MLIP: variants seen among roughly 807,000 people sequenced by gnomAD.
MLIP encodes the protein muscular LMNA interacting protein, also known as muscular LMNA-interacting protein.
Under a neutral mutation model 84.8 loss-of-function variants are expected in MLIP, and 79 were observed. That is an observed-to-expected ratio of 0.93 (90% CI 0.78 to 1.12). The LOEUF (loss-of-function observed/expected upper bound fraction) is 1.12. Among genes scored for constraint, MLIP ranks in the 50% most tolerant of loss-of-function variants. The pLI is 0.00. For synonymous variants in MLIP, 504 were observed against 463.0 expected (o/e 1.09, Z -1.14); for missense variants, 1,257 against 1,160.6 (o/e 1.08, Z -1.21).
intron 11 of MLIP, among the ~76,000 whole-genome samples, chr6:54,205,898 C>T (rs938925648): frequency 6.6e-6 from 1 of 152,064 alleles, no homozygotes; most frequent in Non-Finnish European, 1.5e-5. Flanking sequence ...ATTTGTGGTG[C>T]TTTTCAGTTA....
At chr6:54,235,206 A>G (rs1781283827) in intron 12 of MLIP, among the ~76,000 whole-genome samples, 1 of 152,078 alleles carries the variant, frequency 6.6e-6, no homozygotes, top group African/African-American at 2.4e-5. Context: ...ATTTTCTCAC[A>G]CTAGTCTTTA....
At chr6:54,257,049 T>A (rs1479956033) in intron 12 of MLIP, among the ~76,000 whole-genome samples, 1 of 152,116 alleles carries the variant, frequency 6.6e-6, no homozygotes, top group Non-Finnish European at 1.5e-5. Context: ...CTATGCTATA[T>A]GCTAAGCACT....
intron 12 of MLIP, among the ~76,000 whole-genome samples, chr6:54,250,056 C>T (rs970922248): frequency 6.6e-6 from 1 of 151,958 alleles, no homozygotes; most frequent in African/African-American, 2.4e-5. Flanking sequence ...ATTTGGTTGT[C>T]TGTTCCTGTG....
intron 8 of MLIP, among the ~76,000 whole-genome samples, chr6:54,165,253 C>G (rs768616718): frequency 7.9e-5 from 12 of 151,900 alleles, no homozygotes; most frequent in South Asian, 2.1e-4. Flanking sequence ...GCCACTTCCT[C>G]TCCACCCTGG....
chr6:54,036,414 T>A (rs1764445699), intron 1 of MLIP, among the ~76,000 whole-genome samples: 1 of 151,968 alleles, frequency 6.6e-6, no homozygotes, highest in Admixed American at 6.6e-5. Context: ...GGAAAAATAT[T>A]GGGCTAATTG....
chr6:54,221,139 T>A (rs1263105158), intron 11 of MLIP, among the ~76,000 whole-genome samples: 3 of 152,144 alleles, frequency 2.0e-5, no homozygotes, highest in Non-Finnish European at 4.4e-5. Context: ...TGTGGCAGCC[T>A]GGGCACAGAC....
At chr6:54,233,806 C>G (rs945846949) in intron 12 of MLIP, among the ~76,000 whole-genome samples, 1 of 152,172 alleles carries the variant, frequency 6.6e-6, no homozygotes, top group African/African-American at 2.4e-5. Flanking sequence ...AATTTACACT[C>G]CCACCAACAG....
intron 1 of MLIP, among the ~76,000 whole-genome samples, chr6:54,115,159 T>C (rs1769802062): frequency 6.6e-6 from 1 of 152,122 alleles, no homozygotes; most frequent in South Asian, 2.1e-4. Context: ...GTGGTAAATA[T>C]GAAGTGAGAT....
chr6:54,034,857 C>G (rs975799908), intron 1 of MLIP, among the ~76,000 whole-genome samples: 1 of 152,148 alleles, frequency 6.6e-6, no homozygotes, highest in African/African-American at 2.4e-5. Flanking sequence ...CTGACCCACC[C>G]AGAGCAACTT....
chr6:54,072,313 C>A (rs1195451023), intron 1 of MLIP, among the ~76,000 whole-genome samples: 1 of 152,226 alleles, frequency 6.6e-6, no homozygotes, highest in Non-Finnish European at 1.5e-5. Context: ...CCTAGAACTT[C>A]TCTATCCCCA....
At chr6:54,122,313 A>G (rs1770526207) in intron 2 of MLIP, among the ~76,000 whole-genome samples, 1 of 152,200 alleles carries the variant, frequency 6.6e-6, no homozygotes, top group African/African-American at 2.4e-5. Context: ...TAACCTTACA[A>G]TATTAGGTGA....
chr6:54,058,486 A>T (rs1205872162), intron 1 of MLIP, among the ~76,000 whole-genome samples: 2 of 152,196 alleles, frequency 1.3e-5, no homozygotes, highest in Non-Finnish European at 2.9e-5. Context: ...ACCAGCACTG[A>T]TGTGCTCTAT....
At chr6:54,041,265 G>A (rs745796762) in intron 1 of MLIP, among the ~76,000 whole-genome samples, 29 of 151,968 alleles carry the variant, frequency 1.9e-4, no homozygotes, top group Non-Finnish European at 2.8e-4. Context: ...CTTTGTTTCT[G>A]TATTATTGAG....
intron 11 of MLIP, 120 bp downstream of exon 11, chr6:54,202,353 T>A: frequency 2.1e-6 from 1 of 472,366 alleles, no homozygotes. Context: ...ATGAATATAG[T>A]ATGCGTAAGA....
intron 12 of MLIP, among the ~76,000 whole-genome samples, chr6:54,252,009 TATATA>T (rs1415642012): frequency 2.5e-5 from 2 of 81,234 alleles, no homozygotes; most frequent in East Asian, 3.8e-4. Flanking sequence ...TATAACATAA[TATATA>T]ATATAAATAT....
chr6:54,089,178 T>C (rs1024590553), intron 1 of MLIP, among the ~76,000 whole-genome samples: 2 of 152,206 alleles, frequency 1.3e-5, no homozygotes, highest in African/African-American at 2.4e-5. Context: ...AAAAGACATA[T>C]ACAAATTTGT....
chr6:54,213,488 G>C (rs1035866706), intron 11 of MLIP, among the ~76,000 whole-genome samples: 1 of 151,906 alleles, frequency 6.6e-6, no homozygotes, highest in Non-Finnish European at 1.5e-5. Context: ...GATTACCTGA[G>C]GTCTGGAGTT....
chr6:54,140,033 A>AATATTTTATTTT (rs1270737769), intron 4 of MLIP, among the ~76,000 whole-genome samples: 14 of 152,126 alleles, frequency 9.2e-5, no homozygotes, highest in African/African-American at 2.9e-4. Flanking sequence ...ATTTGAGGTA[A>AATATTTTATTTT]ATTGACCTGT....
intron 11 of MLIP, among the ~76,000 whole-genome samples, chr6:54,218,952 C>A (rs1780029742): frequency 6.6e-6 from 1 of 151,770 alleles, no homozygotes; most frequent in Non-Finnish European, 1.5e-5. Context: ...ACCTGTAATC[C>A]CAGCACTTTG....
Sources: allele counts gnomAD v4.1 joint callset (sites outside exome capture counted in the v4.1 genomes callset), GRCh38; gene constraint gnomAD v4.1.1; transcripts MANE v1.5; gene names NCBI Gene and HGNC (gene_info 2026-07-23, HGNC 2026-07-21).